Variants in SVOPL observed in about 807,000 individuals in gnomAD.
SVOPL encodes putative transporter SVOPL.
Under a neutral mutation model 61.0 loss-of-function variants are expected in SVOPL, and 60 were observed. That is an observed-to-expected ratio of 0.98 (90% confidence interval 0.80 to 1.22). SVOPL has a LOEUF of 1.22. Among genes scored for constraint, SVOPL ranks in the 50% most tolerant of loss-of-function variants. The pLI, the probability that SVOPL is intolerant of heterozygous loss-of-function variation, is 0.00. For missense variants in SVOPL, 662 were observed against 643.9 expected (o/e 1.03, Z -0.30); for synonymous variants, 279 against 250.0 (o/e 1.12, Z -1.09).
chr7:138,685,082 G>A (rs1265044100), intron 1 of SVOPL, among the ~76,000 whole-genome samples: 3 of 151,908 alleles, frequency 2.0e-5, no homozygotes, highest in African/African-American at 7.3e-5. Flanking sequence ...ACAGGCATGT[G>A]CCACCACACC....
intron 5 of SVOPL, chr7:138,660,614 C>A (rs116987010): frequency 2.0e-6 from 2 of 985,362 alleles, no homozygotes; most frequent in Non-Finnish European, 2.4e-6. Context: ...TGTTTCAGAT[C>A]TTCTCATTAT....
intron 1 of SVOPL, among the ~76,000 whole-genome samples, chr7:138,687,283 T>C (rs1802839052): frequency 1.4e-5 from 2 of 138,160 alleles, no homozygotes; most frequent in Admixed American, 1.6e-4. Flanking sequence ...TTGCCTAGGC[T>C]GGAGTGCAAT....
Position 138,661,719 on chromosome 7 carries a change from G to A in SVOPL, c.345+1355C>T, listed in dbSNP as rs192176369. The A allele has an allele frequency of 4.7e-3, 4,007 of 856,002 alleles. 15 individuals carry two copies. Among genetic ancestry groups the A allele is most frequent in the Middle Eastern group, 4.8e-3 (8 of 1,682 alleles). The allele number at this position is 856,002 out of a possible 1,614,324, so 53.0% of individuals were successfully genotyped here. On this transcript the variant is annotated intron_variant, in intron 5 of 15. Transcript: ENST00000674285. ...AAATTATTAGTAAATAACTTAGGAAGTGCCCCCAAATTCTTTTCTCTCCTC... is the reference window on the plus strand; with the variant it reads ...AAATTATTAGTAAATAACTTAGGAAATGCCCCCAAATTCTTTTCTCTCCTC...
chr7:138,622,957 A>G (rs1291438316), intron 13 of SVOPL, among the ~76,000 whole-genome samples: 2 of 152,218 alleles, frequency 1.3e-5, no homozygotes, highest in African/African-American at 4.8e-5. Context: ...TCTTAGTGCT[A>G]TAAAATACTG....
chr7:138,638,522 G>A (rs1008443521), intron 9 of SVOPL, among the ~76,000 whole-genome samples: 19 of 152,150 alleles, frequency 1.2e-4, no homozygotes, highest in South Asian at 1.0e-3. Context: ...TCTAGCTTGC[G>A]AGGTCAAGAT....
chr7:138,653,942 AAAAAAAGAAAAG>A (rs1231406763), intron 7 of SVOPL, among the ~76,000 whole-genome samples: 3 of 148,442 alleles, frequency 2.0e-5, no homozygotes, highest in African/African-American at 7.5e-5. Context: ...CAAAAAAAAA[AAAAAAAGAAAAG>A]AAAAGAAAAG....
At chr7:138,629,547 CATG>C (rs1800075787) in intron 10 of SVOPL, among the ~76,000 whole-genome samples, 1 of 152,066 alleles carries the variant, frequency 6.6e-6, no homozygotes, top group Non-Finnish European at 1.5e-5. Flanking sequence ...CGGCCTTCTT[CATG>C]ATACCTTGAC....
intron 14 of SVOPL, among the ~76,000 whole-genome samples, chr7:138,611,834 T>C (rs1228251100): frequency 4.7e-5 from 3 of 64,248 alleles, no homozygotes; most frequent in African/African-American, 9.9e-5. Context: ...GCCGCCTGCC[T>C]TGGCCTCCCA....
chr7:138,662,372 C>T, intron 5 of SVOPL: 1 of 985,410 alleles, frequency 1.0e-6, no homozygotes, highest in South Asian at 4.7e-5. Context: ...CAGATAGGTG[C>T]CTGAGGGTGA....
intron 12 of SVOPL, among the ~76,000 whole-genome samples, chr7:138,626,419 G>C (rs1027018663): frequency 2.0e-5 from 3 of 152,090 alleles, no homozygotes; most frequent in Non-Finnish European, 4.4e-5. Context: ...TTAAGACAGA[G>C]TCTGGCTCTG....
In SVOPL at chr7:138,661,633, TG is replaced by T. The variant is rs1334977603; in HGVS notation, c.345+1440del. The T allele has an allele frequency of 4.1e-6, 4 of 981,874 alleles. No homozygotes were observed. The African/African-American group carries it at 5.2e-5, about 13-fold the overall frequency. 60.8% of individuals were successfully genotyped at this position (981,874 alleles called of 1,614,324 possible). ...CCATTATCTCCATGTTTTTAGATTT[TG>T]TGACACCAAGAAAGATGTAGAATCA... On this transcript the variant is annotated intron_variant, in intron 5 of 15. Coordinates refer to ENST00000674285, the MANE Select transcript of SVOPL (RefSeq NM_001139456.2).
At chr7:138,664,770 C>CGCT (rs1448259007) in intron 4 of SVOPL, among the ~76,000 whole-genome samples, 1 of 130,368 alleles carries the variant, frequency 7.7e-6, no homozygotes, top group East Asian at 2.3e-4. Context: ...CTCCCCCGCA[C>CGCT]GCTGCTGCTG....
chr7:138,661,674 T>G (rs1236499936), intron 5 of SVOPL: 14 of 922,062 alleles, frequency 1.5e-5, no homozygotes, highest in Non-Finnish European at 1.8e-5. Context: ...ATAGCATACC[T>G]TATTTTAACG....
At chr7:138,621,212 C>T in intron 13 of SVOPL, 77 bp from the exon 14 acceptor site, 1 of 1,308,020 alleles carries the variant, frequency 7.6e-7, no homozygotes, top group South Asian at 1.4e-5. Flanking sequence ...CCTTCCTCCC[C>T]AGGTCAGGTT....
intron 1 of SVOPL, chr7:138,689,265 A>G: frequency 6.3e-7 from 1 of 1,575,356 alleles, no homozygotes; most frequent in Non-Finnish European, 8.6e-7. Context: ...GCACATGGTT[A>G]AAAATGCAGA....
intron 1 of SVOPL, among the ~76,000 whole-genome samples, chr7:138,685,933 T>G (rs1462313074): frequency 6.6e-6 from 1 of 152,042 alleles, no homozygotes; most frequent in Non-Finnish European, 1.5e-5. Context: ...TGGAGGTAGC[T>G]TTATGGCATA....
intron 1 of SVOPL, among the ~76,000 whole-genome samples, chr7:138,690,777 TTTC>T (rs1554476661): frequency 9.2e-5 from 14 of 151,780 alleles, no homozygotes; most frequent in African/African-American, 3.1e-4. Flanking sequence ...TCTTTCTTTC[TTTC>T]TTTTTTTAAT....
At chr7:138,627,592 C>A in intron 11 of SVOPL, 131 bp from the exon 12 acceptor site, 1 of 666,924 alleles carries the variant, frequency 1.5e-6, no homozygotes, top group Non-Finnish European at 2.6e-6. Context: ...GTATTCCAGC[C>A]AAAATCCAGT....
intron 14 of SVOPL, among the ~76,000 whole-genome samples, chr7:138,619,561 T>TAAAAAAAAAA (rs11440977): frequency 1.7e-5 from 1 of 60,302 alleles, no homozygotes; most frequent in African/African-American, 6.0e-5. Context: ...TCTCAGATGT[T>TAAAAAAAAAA]AAAAAAAAAA....
Sources: gnomAD v4.1 joint callset for allele counts (sites outside exome capture counted in the v4.1 genomes callset) on GRCh38, gnomAD v4.1.1 for gene constraint, MANE v1.5 for transcripts, NCBI Gene and HGNC (gene_info 2026-07-23, HGNC 2026-07-21) for gene names.